The following ZNF782 variants were observed in gnomAD, a reference collection of about 807,000 sequenced individuals.
The protein encoded by ZNF782 is zinc finger protein 782.
Under a neutral mutation model 13.0 loss-of-function variants are expected in ZNF782, and 12 were observed. The ratio of observed to expected loss-of-function variants is 0.92; its 90% CI spans 0.59 to 1.50. The LOEUF (loss-of-function observed/expected upper bound fraction) is 1.50. ZNF782 is among the 40% of genes most tolerant of loss of function. ZNF782 has a pLI of 0.00. For missense variants in ZNF782, 770 were observed against 822.9 expected (o/e 0.94, Z 0.79); for synonymous variants, 284 against 283.0 (o/e 1.00, Z -0.04).
Position 96,818,511 on chromosome 9 carries a change from T to C in ZNF782, c.1512A>G (p.Arg504=). The part of the protein sequence containing the change: ...RNHRRTHTGE[R]PYKCDECGKA... ...TCCCACATTCATCACATTTATATGG[T>C]CTTTCCCCTGTGTGAGTTCTTCGGT... is the stretch of plus-strand genomic sequence containing the variant. Residue 504 remains arginine, a synonymous_variant, in exon 6 of 6, where the codon AGA becomes AGG. Coordinates refer to ENST00000481138, the MANE Select transcript of ZNF782 (RefSeq NM_001001662.3). 2 of 1,614,090 alleles carry C rather than the reference T, an allele frequency of 1.2e-6. No homozygotes were observed. The highest frequency in any genetic ancestry group is 1.7e-6 in the Non-Finnish European group (2 of 1,180,032).
At chr9:96,923,929 G>A in the ZNF782 span, among the ~76,000 whole-genome samples, 1 of 150,550 alleles carries the variant, frequency 6.6e-6, no homozygotes, top group African/African-American at 2.4e-5. Flanking sequence ...TCTGCCTCCT[G>A]GGTTCAAGCA....
At chr9:96,913,615 C>G in the ZNF782 span, among the ~76,000 whole-genome samples, 1 of 150,540 alleles carries the variant, frequency 6.6e-6, no homozygotes, top group Admixed American at 6.6e-5. Flanking sequence ...CCTCCACCCC[C>G]GCAATTCAAG....
intron 4 of ZNF782, among the ~76,000 whole-genome samples, chr9:96,838,700 T>C (rs1851082733): frequency 6.6e-6 from 1 of 151,058 alleles, no homozygotes; most frequent in East Asian, 1.9e-4. Context: ...AGTGTTAGCC[T>C]GATGTATTTT....
At chr9:96,915,790 G>A in the ZNF782 span, among the ~76,000 whole-genome samples, 38 of 150,972 alleles carry the variant, frequency 2.5e-4, no homozygotes, top group Middle Eastern at 3.4e-3. Context: ...TGCCACGTAG[G>A]ACAACTGCTG....
the ZNF782 span, among the ~76,000 whole-genome samples, chr9:96,910,992 C>T: frequency 6.8e-6 from 1 of 147,806 alleles, no homozygotes; most frequent in South Asian, 2.1e-4. Flanking sequence ...TTTTAATTTA[C>T]ATTTTATATT....
At chr9:96,853,251 T>C (rs1218686438) in intron 1 of ZNF782, among the ~76,000 whole-genome samples, 182 bp from the exon 2 acceptor site, 1 of 152,058 alleles carries the variant, frequency 6.6e-6, no homozygotes, top group Non-Finnish European at 1.5e-5. Context: ...CTGTCACCCA[T>C]TGTGTGGTGG....
At chr9:96,886,799 T>C in the ZNF782 span, among the ~76,000 whole-genome samples, 5 of 151,756 alleles carry the variant, frequency 3.3e-5, no homozygotes, top group African/African-American at 1.2e-4. Flanking sequence ...GACATGTCCC[T>C]GTAATCCCAG....
At chr9:96,931,896 T>C in the ZNF782 span, 10 of 1,612,130 alleles carry the variant, frequency 6.2e-6, no homozygotes, top group African/African-American at 1.3e-5. Context: ...AGCACCCCTC[T>C]AGTGGCAGGA....
the ZNF782 span, among the ~76,000 whole-genome samples, chr9:96,903,883 T>TAAA: frequency 1.3e-5 from 2 of 151,834 alleles, no homozygotes; most frequent in Non-Finnish European, 2.9e-5. Context: ...TTTGCTAAGG[T>TAAA]AAATACCTAG....
At chr9:96,925,100 G>A in the ZNF782 span, among the ~76,000 whole-genome samples, 3 of 152,192 alleles carry the variant, frequency 2.0e-5, no homozygotes, top group East Asian at 1.9e-4. Context: ...CTTTCCGCTC[G>A]CGCTGCGTCG....
At chr9:96,835,256 A>C (rs1364193025) in intron 4 of ZNF782, among the ~76,000 whole-genome samples, 3 of 152,216 alleles carry the variant, frequency 2.0e-5, no homozygotes. Flanking sequence ...GCAAAGGGAT[A>C]ATCTAAAGAT....
intron 3 of ZNF782, among the ~76,000 whole-genome samples, chr9:96,851,378 T>A (rs1391333934): frequency 6.6e-6 from 1 of 152,160 alleles, no homozygotes; most frequent in South Asian, 2.1e-4. Flanking sequence ...GTGAGTTTCA[T>A]AAAATCTACA....
chr9:96,913,140 C>T, the ZNF782 span, among the ~76,000 whole-genome samples: 2 of 151,618 alleles, frequency 1.3e-5, no homozygotes, highest in Non-Finnish European at 2.9e-5. Context: ...CATGGTGAAA[C>T]CCCGTCTCTA....
chr9:96,831,534 TC>T (rs1237470657), intron 4 of ZNF782, among the ~76,000 whole-genome samples: 6 of 151,464 alleles, frequency 4.0e-5, no homozygotes, highest in Admixed American at 3.9e-4. Context: ...ATGGTGAAAC[TC>T]TCTCTCTACT....
At chr9:96,918,824 C>T in the ZNF782 span, 1 of 170,850 alleles carries the variant, frequency 5.9e-6, no homozygotes, top group South Asian at 1.8e-4. Context: ...CCCATGAAAA[C>T]TTCTGTATTG....
At chr9:96,933,488 A>C in the ZNF782 span, 2 of 151,076 alleles carry the variant, frequency 1.3e-5, no homozygotes, top group East Asian at 2.0e-4. Flanking sequence ...CTCCTGCCTC[A>C]GCCTCCCAAG....
the ZNF782 span, among the ~76,000 whole-genome samples, chr9:96,914,242 C>G: frequency 6.6e-6 from 1 of 151,688 alleles, no homozygotes; most frequent in South Asian, 2.1e-4. Flanking sequence ...CTGCCTCAGT[C>G]TCCTGATTAT....
rs1850241975 is a variant in ZNF782, at chr9:96,818,202, C to T, written c.1821G>A (p.Gly607=). Residue 607 remains glycine, a synonymous_variant, in exon 6 of 6, where the codon GGG becomes GGA. Transcript: ENST00000481138. ...KTFRQKSNLR[G]HQRTHTGEKP... ...TCTCCCCAGTGTGAGTTCTCTGATGCCCTCTGAGATTTGATTTCTGCCTGA... is the reference window on the plus strand; with the variant it reads ...TCTCCCCAGTGTGAGTTCTCTGATGTCCTCTGAGATTTGATTTCTGCCTGA... 8 of 1,612,094 alleles carry T rather than the reference C, an allele frequency of 5.0e-6. No individual in the cohort carries two copies. The highest frequency in any genetic ancestry group is 2.2e-5 in the East Asian group (1 of 44,742).
intron 5 of ZNF782, among the ~76,000 whole-genome samples, chr9:96,823,437 C>G (rs867366739): frequency 6.6e-6 from 1 of 152,166 alleles, no homozygotes; most frequent in African/African-American, 2.4e-5. Context: ...ATTTAGTGCA[C>G]AAATATTCAA....
Sources: allele counts gnomAD v4.1 joint callset (sites outside exome capture counted in the v4.1 genomes callset), GRCh38; gene constraint gnomAD v4.1.1; transcripts MANE v1.5; gene names NCBI Gene and HGNC (gene_info 2026-07-23, HGNC 2026-07-21).